TRAPPC5: variants seen among roughly 807,000 people sequenced by gnomAD.
TRAPPC5 encodes trafficking protein particle complex 5.
In TRAPPC5, 5 loss-of-function variants were observed where a neutral mutation model predicts 9.8. The observed-to-expected ratio is 0.51, with a 90% CI of 0.27 to 1.07. TRAPPC5 has a LOEUF of 1.07. TRAPPC5 is among the 50% of genes least tolerant of loss of function. The probability of loss-of-function intolerance (pLI) is 0.12; values close to 1 mark genes in which losing one functional copy is unlikely to be tolerated. For synonymous variants in TRAPPC5, 146 were observed against 140.7 expected, an observed-to-expected ratio of 1.04 and a Z score of -0.26; for missense variants, 243 against 291.5, an observed-to-expected ratio of 0.83 and a Z score of 1.21.
Position 7,682,361 on chromosome 19 carries a change from G to C in TRAPPC5, c.108G>C (p.Leu36=). 6.4e-7 allele frequency: 1 copy of C among 1,565,294 alleles called. No homozygotes were observed. Residue 36 remains leucine (L), a synonymous_variant, in exon 2 of 2, where the codon CTG becomes CTC. Transcript: ENST00000596148. This position sits in a 1 kb window ranked among gnomAD's most constrained non-coding sequence, Gnocchi z 8.6. The part of the protein sequence containing the change: ...LSAFALLFSE[L]VQHCQSRVFS... ...CCTTCGCACTGCTGTTCTCCGAGCTGGTACAGCACTGCCAGAGCCGCGTCT... is the reference window on the plus strand; with the variant it reads ...CCTTCGCACTGCTGTTCTCCGAGCTCGTACAGCACTGCCAGAGCCGCGTCT...
rs62110712 is a variant in TRAPPC5 at position 7,687,140 on chromosome 19, C to T, written c.*4320C>T. The T allele has an allele frequency of 0.087, 13,281 of 152,572 alleles. 717 individuals carry two copies. The highest frequency in any genetic ancestry group is 0.25 in the Middle Eastern group (75 of 296). The allele number at this position is 152,572 out of a possible 1,614,324, so 9.5% of individuals were successfully genotyped here. A position where few individuals can be genotyped will look rare whatever the true frequency, so the allele number is the denominator to read the frequency against. On this transcript the variant is annotated 3_prime_UTR_variant, in exon 2 of 2. Transcript: ENST00000596148. ...AAAGGGGGCAGTGAAGAGAGAGCCCCGGGCGGAGGTGACTGCTCCAGTCGA... is the reference window on the plus strand; with the variant it reads ...AAAGGGGGCAGTGAAGAGAGAGCCCTGGGCGGAGGTGACTGCTCCAGTCGA...
rs1599427075 is a variant in TRAPPC5, at chr19:7,684,645, C to G, written c.*1825C>G. The G allele has an allele frequency of 6.6e-6, 1 of 152,004 alleles. No individual in the cohort carries two copies. The allele number at this position is 152,004 out of a possible 1,614,324, so 9.4% of individuals were successfully genotyped here. Reference sequence around the variant, plus strand: ...CACGAGGTCAGGAGTTCGAGCCAGCCTGGCCAATATGGTGAAACCCTGTCT... The same window carrying G: ...CACGAGGTCAGGAGTTCGAGCCAGCGTGGCCAATATGGTGAAACCCTGTCT... On this transcript the variant is annotated 3_prime_UTR_variant, in exon 2 of 2. Transcript: ENST00000596148.
rs1568482485 is a variant in TRAPPC5 at position 7,681,548 on chromosome 19, C to G, written c.-13+670C>G. 6.6e-6 allele frequency among the ~76,000 whole-genome samples: 1 copy of G among 152,158 alleles called. No individual in the cohort carries two copies. Among genetic ancestry groups the G allele is most frequent in the African/African-American group, 2.4e-5 (1 of 41,426 alleles). ...TCCGCGTCTCAAAGGACGAAGGGTT[C>G]CTGCGTGACACATCGGAGCTGCCTG... On this transcript the variant is annotated intron_variant, in intron 1 of 1. Coordinates refer to ENST00000596148, the MANE Select transcript of TRAPPC5 (RefSeq NM_001042462.2). The surrounding 1 kb of genome is among the most constrained non-coding windows in gnomAD (Gnocchi z 8.7).
rs777061894 is a variant in TRAPPC5, at chr19:7,682,481, C to G, written c.228C>G (p.Ala76=). Residue 76 remains alanine, a synonymous_variant, in exon 2 of 2, where the codon GCC becomes GCG. Transcript: ENST00000596148. This position sits in a 1 kb window ranked among gnomAD's most constrained non-coding sequence, Gnocchi z 8.6. Reference sequence around the variant, plus strand: ...CGCTGGTGGCGCGCGAAAAGGGTGCCCGGCGTGAGACCAAGGTGCTAGGCG... The same window carrying G: ...CGCTGGTGGCGCGCGAAAAGGGTGCGCGGCGTGAGACCAAGGTGCTAGGCG... ...LDALVAREKG[A]RRETKVLGAL... is the part of the protein sequence containing the mutation. 1.2e-6 allele frequency: 2 copies of G among 1,611,394 alleles called. No individual in the cohort carries two copies. Among genetic ancestry groups the G allele is most frequent in the African/African-American group, 1.3e-5 (1 of 74,898 alleles).
chr19:7,682,453 A>G lies in TRAPPC5; in HGVS notation c.200A>G (p.Asp67Gly). 3 of 1,608,748 alleles carry G rather than the reference A, an allele frequency of 1.9e-6. No homozygotes were observed. The highest frequency in any genetic ancestry group is 2.5e-6 in the Non-Finnish European group (3 of 1,177,804). The stretch of plus-strand genomic sequence containing the variant: ...CGCCAGGTGGGCGCGCGCGTGCTGG[A>G]TGCGCTGGTGGCGCGCGAAAAGGGT... ...LGRQVGARVLDALVAREKGAR... is the reference protein window; with the variant it reads ...LGRQVGARVLGALVAREKGAR... Residue 67 changes from aspartate (D) to glycine (G), a missense_variant, in exon 2 of 2, where the codon GAT becomes GGT. This residue lies in a region of TRAPPC5 where 154 missense variants were observed against 215.8 expected (regional missense o/e 0.71). Transcript: ENST00000596148. This position sits in a 1 kb window ranked among gnomAD's most constrained non-coding sequence, Gnocchi z 8.6.
rs941698689 is a variant in TRAPPC5, at chr19:7,686,741, C to G, written c.*3921C>G. 6.6e-6 allele frequency: 1 copy of G among 152,158 alleles called. No individual in the cohort carries two copies. Among genetic ancestry groups the G allele is most frequent in the African/African-American group, 2.4e-5 (1 of 41,426 alleles). 9.4% of individuals were successfully genotyped at this position (152,158 alleles called of 1,614,324 possible). A position where few individuals can be genotyped will look rare whatever the true frequency, so the allele number is the denominator to read the frequency against. On this transcript the variant is annotated 3_prime_UTR_variant, in exon 2 of 2. Coordinates refer to ENST00000596148, the MANE Select transcript of TRAPPC5 (RefSeq NM_001042462.2). ...GCCAGGCTGGTCTGGAACTCCTGAC[C>G]TCAAGTGATCTGCCCGCCTTGGCCT...
rs545244379 is a variant in TRAPPC5, at chr19:7,682,602, A to G, written c.349A>G (p.Ile117Val). The part of the protein sequence containing the change: ...QANDDARTFY[I>V]IEREPLINTY... ...CAACGATGACGCGCGCACCTTCTAC[A>G]TCATCGAGCGCGAGCCGCTCATCAA... Residue 117 changes from isoleucine to valine, a missense_variant, in exon 2 of 2, where the codon ATC (isoleucine) becomes GTC (valine). This residue lies in a region of TRAPPC5 where 154 missense variants were observed against 215.8 expected (regional missense o/e 0.71). Transcript: ENST00000596148. The surrounding 1 kb of genome is among the most constrained non-coding windows in gnomAD (Gnocchi z 8.6). 16 of 1,612,884 alleles carry G rather than the reference A, an allele frequency of 9.9e-6. No homozygotes were observed. The African/African-American group carries it at 2.1e-4, about 21-fold the overall frequency.
At position 7,682,514 on chromosome 19, in the gene TRAPPC5, C is replaced by G. The variant is rs1260978256; in HGVS notation, c.261C>G (p.Leu87=). ...AGACCAAGGTGCTAGGCGCGTTGCT[C>G]TTCGTCAAGGGCGCCGTGTGGAAGG... The part of the protein sequence containing the change: ...RRETKVLGAL[L]FVKGAVWKAL... The change falls in exon 2 of 2, where the codon CTC becomes CTG. Residue 87 remains leucine (L), a synonymous_variant. Transcript: ENST00000596148. The surrounding 1 kb of genome is among the most constrained non-coding windows in gnomAD (Gnocchi z 8.6). The G allele has an allele frequency of 1.9e-6, 3 of 1,613,154 alleles. No homozygotes were observed. Among genetic ancestry groups the G allele is most frequent in the African/African-American group, 1.3e-5 (1 of 75,056 alleles).
Position 7,681,208 on chromosome 19 carries a change from G to A in TRAPPC5, c.-13+330G>A, listed in dbSNP as rs192993209. Reference sequence around the variant, plus strand: ...CTGCATGCTGGGGCGGGGGCGGCCCGGAGCCCCTGGGACACCCCTCCCCGC... The same window carrying A: ...CTGCATGCTGGGGCGGGGGCGGCCCAGAGCCCCTGGGACACCCCTCCCCGC... On this transcript the variant is annotated intron_variant, in intron 1 of 1. Coordinates refer to ENST00000596148, the MANE Select transcript of TRAPPC5 (RefSeq NM_001042462.2). This position sits in a 1 kb window ranked among gnomAD's most constrained non-coding sequence, Gnocchi z 8.7. Among the ~76,000 whole-genome samples, 66 of 152,198 alleles carry A rather than the reference G, an allele frequency of 4.3e-4. No individual in the cohort carries two copies. The highest frequency in any genetic ancestry group is 4.2e-3 in the Admixed American group (65 of 15,300).
rs749805705 is a variant in TRAPPC5, at chr19:7,682,760, G to A, written c.507G>A (p.Thr169=). Residue 169 remains threonine (T), a synonymous_variant, in exon 2 of 2, where the codon ACG becomes ACA. Transcript: ENST00000596148. This position sits in a 1 kb window ranked among gnomAD's most constrained non-coding sequence, Gnocchi z 8.6. ...CGGCGCACTGGCACAAGGGCACCACGCTCATGATCAAGTTCGAGGAGGCAG... is the reference window on the plus strand; with the variant it reads ...CGGCGCACTGGCACAAGGGCACCACACTCATGATCAAGTTCGAGGAGGCAG... ...KVTAHWHKGT[T]LMIKFEEAVI... 5 of 1,611,640 alleles carry A rather than the reference G, an allele frequency of 3.1e-6. No homozygotes were observed. The highest frequency in any genetic ancestry group is 2.2e-5 in the East Asian group (1 of 44,788).
rs1223722258 is a variant in TRAPPC5, at chr19:7,682,546, T to C, written c.293T>C (p.Phe98Ser). ...AAGGGCGCCGTGTGGAAGGCGCTCT[T>C]CGGCAAGGAGGCGGACAAGCTGGAG... The part of the protein sequence containing the change: ...FVKGAVWKAL[F>S]GKEADKLEQA... The change falls in exon 2 of 2, where the codon TTC becomes TCC. Residue 98 changes from phenylalanine to serine, a missense_variant. Coordinates refer to ENST00000596148, the MANE Select transcript of TRAPPC5 (RefSeq NM_001042462.2). This position sits in a 1 kb window ranked among gnomAD's most constrained non-coding sequence, Gnocchi z 8.6. 1 of 1,612,818 alleles carries C rather than the reference T, an allele frequency of 6.2e-7. No homozygotes were observed. Among genetic ancestry groups the C allele is most frequent in the African/African-American group, 1.3e-5 (1 of 74,942 alleles).
chr19:7,682,857 C>A lies in TRAPPC5; in HGVS notation c.*37C>A. On this transcript the variant is annotated 3_prime_UTR_variant, in exon 2 of 2. Coordinates refer to ENST00000596148, the MANE Select transcript of TRAPPC5 (RefSeq NM_001042462.2). The surrounding 1 kb of genome is among the most constrained non-coding windows in gnomAD (Gnocchi z 8.6). ...ATAAAGGATACAGAGAGCCCCTCCC[C>A]ACGTGTGTCTTGTGTCTTGTGTGGC... The A allele has an allele frequency of 3.9e-6, 6 of 1,522,648 alleles. No homozygotes were observed. Among genetic ancestry groups the A allele is most frequent in the Non-Finnish European group, 5.3e-6 (6 of 1,128,370 alleles). 94.3% of individuals were successfully genotyped at this position (1,522,648 alleles called of 1,614,324 possible). A position where few individuals can be genotyped will look rare whatever the true frequency, so the allele number is the denominator to read the frequency against.
Position 7,681,976 on chromosome 19 carries a change from G to A in TRAPPC5, c.-12-266G>A, listed in dbSNP as rs1459935231. On this transcript the variant is annotated intron_variant, in intron 1 of 1. Transcript: ENST00000596148. The surrounding 1 kb of genome is among the most constrained non-coding windows in gnomAD (Gnocchi z 8.7). ...GGCCTCCTCTTCTGTTCCCCCTCGT[G>A]TCTCTCCTCCCACCTTGTCCCCACT... Among the ~76,000 whole-genome samples the A allele has an allele frequency of 6.6e-6, 1 of 152,048 alleles. No individual in the cohort carries two copies. Among genetic ancestry groups the A allele is most frequent in the Admixed American group, 6.5e-5 (1 of 15,272 alleles).
chr19:7,681,424 A>T lies in TRAPPC5; in HGVS notation c.-13+546A>T, dbSNP rs959914633. Among the ~76,000 whole-genome samples the T allele has an allele frequency of 2.6e-5, 4 of 151,848 alleles. No homozygotes were observed. Among genetic ancestry groups the T allele is most frequent in the Non-Finnish European group, 5.9e-5 (4 of 67,938 alleles). ...CGCACCGACAGCTGATGGGAGGACC[A>T]CAGTTGCTCAGCATCCAGCTTCCTT... On this transcript the variant is annotated intron_variant, in intron 1 of 1. Coordinates refer to ENST00000596148, the MANE Select transcript of TRAPPC5 (RefSeq NM_001042462.2). This position sits in a 1 kb window ranked among gnomAD's most constrained non-coding sequence, Gnocchi z 8.7.
chr19:7,682,614 G>A lies in TRAPPC5; in HGVS notation c.361G>A (p.Glu121Lys). Reference sequence around the variant, plus strand: ...GCGCACCTTCTACATCATCGAGCGCGAGCCGCTCATCAACACCTACATCTC... The same window carrying A: ...GCGCACCTTCTACATCATCGAGCGCAAGCCGCTCATCAACACCTACATCTC... Reference protein sequence around the residue: ...DARTFYIIEREPLINTYISVP... With the variant: ...DARTFYIIERKPLINTYISVP... The change falls in exon 2 of 2, where the codon GAG becomes AAG. Residue 121 changes from glutamate to lysine, a missense_variant. Coordinates refer to ENST00000596148, the MANE Select transcript of TRAPPC5 (RefSeq NM_001042462.2). This position sits in a 1 kb window ranked among gnomAD's most constrained non-coding sequence, Gnocchi z 8.6. The A allele has an allele frequency of 6.2e-7, 1 of 1,613,318 alleles. No individual in the cohort carries two copies. The highest frequency in any genetic ancestry group is 8.5e-7 in the Non-Finnish European group (1 of 1,180,002).
At position 7,682,461 on chromosome 19, in the gene TRAPPC5, G is replaced by C; in HGVS notation, c.208G>C (p.Val70Leu). ...QVGARVLDAL[V>L]AREKGARRET... The stretch of plus-strand genomic sequence containing the variant: ...GGGCGCGCGCGTGCTGGATGCGCTG[G>C]TGGCGCGCGAAAAGGGTGCCCGGCG... Residue 70 changes from valine (V) to leucine (L), a missense_variant, in exon 2 of 2, where the codon GTG becomes CTG. Val to Leu is a conservative substitution (Grantham distance 32). This residue lies in a region of TRAPPC5 where 154 missense variants were observed against 215.8 expected (regional missense o/e 0.71). Coordinates refer to ENST00000596148, the MANE Select transcript of TRAPPC5 (RefSeq NM_001042462.2). This position sits in a 1 kb window ranked among gnomAD's most constrained non-coding sequence, Gnocchi z 8.6. 3.7e-6 allele frequency: 6 copies of C among 1,609,706 alleles called. No individual in the cohort carries two copies. The highest frequency in any genetic ancestry group is 5.1e-6 in the Non-Finnish European group (6 of 1,178,238).
At position 7,682,501 on chromosome 19, in the gene TRAPPC5, T is replaced by C; in HGVS notation, c.248T>C (p.Leu83Pro). The change falls in exon 2 of 2, where the codon CTA (leucine) becomes CCA (proline). Residue 83 changes from leucine to proline, a missense_variant. Leu to Pro is a moderately conservative substitution (Grantham distance 98). Transcript: ENST00000596148. This position sits in a 1 kb window ranked among gnomAD's most constrained non-coding sequence, Gnocchi z 8.6. ...GGTGCCCGGCGTGAGACCAAGGTGCTAGGCGCGTTGCTCTTCGTCAAGGGC... is the reference window on the plus strand; with the variant it reads ...GGTGCCCGGCGTGAGACCAAGGTGCCAGGCGCGTTGCTCTTCGTCAAGGGC... Reference protein sequence around the residue: ...EKGARRETKVLGALLFVKGAV... With the variant: ...EKGARRETKVPGALLFVKGAV... 1 of 1,613,044 alleles carries C rather than the reference T, an allele frequency of 6.2e-7. No individual in the cohort carries two copies. The highest frequency in any genetic ancestry group is 1.1e-5 in the South Asian group (1 of 91,078).
rs569115629 is a variant in TRAPPC5 at position 7,682,904 on chromosome 19, C to T, written c.*84C>T. The T allele has an allele frequency of 5.4e-5, 77 of 1,414,596 alleles. No individual in the cohort carries two copies. In the South Asian group the frequency reaches 9.1e-4, roughly 17 times the overall value. 87.6% of individuals were successfully genotyped at this position (1,414,596 alleles called of 1,614,324 possible). On this transcript the variant is annotated 3_prime_UTR_variant, in exon 2 of 2. Coordinates refer to ENST00000596148, the MANE Select transcript of TRAPPC5 (RefSeq NM_001042462.2). This position sits in a 1 kb window ranked among gnomAD's most constrained non-coding sequence, Gnocchi z 8.6. ...TGGCGGCCTTAGATCCACTCAGTAC[C>T]TTGAGCCACAGCCCTGCCCCAGGCT...
Position 7,682,251 on chromosome 19 carries a change from G to T in TRAPPC5, c.-3G>T. ...CCTGGTCTCCCCGCAGGGTGGCGGC[G>T]GCATGGAGGCGCGCTTCACGCGCGG... On this transcript the variant is annotated 5_prime_UTR_variant, in exon 2 of 2. Coordinates refer to ENST00000596148, the MANE Select transcript of TRAPPC5 (RefSeq NM_001042462.2). The surrounding 1 kb of genome is among the most constrained non-coding windows in gnomAD (Gnocchi z 8.6). The T allele has an allele frequency of 7.2e-7, 1 of 1,391,228 alleles. No individual in the cohort carries two copies. The highest frequency in any genetic ancestry group is 1.6e-5 in the South Asian group (1 of 61,976). 86.2% of individuals were successfully genotyped at this position (1,391,228 alleles called of 1,614,324 possible).
Sources: allele counts gnomAD v4.1 joint callset (sites outside exome capture counted in the v4.1 genomes callset), GRCh38; gene constraint gnomAD v4.1.1; regional missense constraint gnomAD v4.1.1; non-coding constraint Gnocchi (gnomAD v3.1); transcripts MANE v1.5; gene names NCBI Gene and HGNC (gene_info 2026-07-23, HGNC 2026-07-21).